The following HS3ST3A1 variants were observed in gnomAD, a reference collection of about 807,000 sequenced individuals.
HS3ST3A1 encodes heparan sulfate-glucosamine 3-sulfotransferase 3A1, also known as heparan sulfate glucosamine 3-O-sulfotransferase 3A1.
HS3ST3A1 carries 19 observed loss-of-function variants against 25.7 expected under a neutral mutation model. That is an observed-to-expected ratio of 0.74 (90% CI 0.52 to 1.08). The LOEUF (loss-of-function observed/expected upper bound fraction) is 1.08. Among genes scored for constraint, HS3ST3A1 ranks in the 50% least tolerant of loss-of-function variants. The pLI is 0.00. For synonymous variants in HS3ST3A1, 226 were observed against 278.6 expected, an observed-to-expected ratio of 0.81 and a Z score of 1.88; for missense variants, 459 against 594.3, an observed-to-expected ratio of 0.77 and a Z score of 2.37.
chr17:13,518,356 T>C (rs543077715), intron 1 of HS3ST3A1, among the ~76,000 whole-genome samples: 2 of 152,324 alleles, frequency 1.3e-5, no homozygotes, highest in South Asian at 4.1e-4. Flanking sequence ...CTGTTTCCAA[T>C]GGCTTAGAAA....
intron 1 of HS3ST3A1, among the ~76,000 whole-genome samples, chr17:13,528,486 C>A (rs1200296019): frequency 6.6e-6 from 1 of 152,192 alleles, no homozygotes; most frequent in African/African-American, 2.4e-5. Flanking sequence ...CCCAGTGACT[C>A]CTGTGCTGAG....
At chr17:13,585,361 G>A (rs55826561) in intron 1 of HS3ST3A1, among the ~76,000 whole-genome samples, 14,742 of 151,090 alleles carry the variant, frequency 0.098, 751 homozygotes, top group African/African-American at 0.12. Flanking sequence ...CACCACGCCC[G>A]GCTAATTTTT....
At chr17:13,570,559 A>G (rs1380049882) in intron 1 of HS3ST3A1, among the ~76,000 whole-genome samples, 2 of 152,156 alleles carry the variant, frequency 1.3e-5, no homozygotes, top group Non-Finnish European at 2.9e-5. Flanking sequence ...AGCTCAGTGT[A>G]GCCTCAACCT....
At chr17:13,579,729 T>C (rs12950206) in intron 1 of HS3ST3A1, among the ~76,000 whole-genome samples, 2 of 70,180 alleles carry the variant, frequency 2.8e-5, no homozygotes, top group Non-Finnish European at 5.5e-5. Context: ...AAAAAAAAAA[T>C]CATAAGAAAT....
intron 1 of HS3ST3A1, among the ~76,000 whole-genome samples, chr17:13,504,583 T>C (rs898040234): frequency 2.0e-5 from 3 of 152,102 alleles, no homozygotes; most frequent in African/African-American, 7.2e-5. Flanking sequence ...TTTGTGAAAA[T>C]TTCTTGAGCT....
intron 1 of HS3ST3A1, among the ~76,000 whole-genome samples, chr17:13,500,047 A>G (rs904080820): frequency 6.6e-6 from 1 of 151,230 alleles, no homozygotes; most frequent in African/African-American, 2.4e-5. Flanking sequence ...CAAAAAAGTC[A>G]ATAAAAGGGA....
At chr17:13,508,963 AT>A (rs111659579) in intron 1 of HS3ST3A1, among the ~76,000 whole-genome samples, 14,355 of 143,138 alleles carry the variant, frequency 0.1, 908 homozygotes, top group African/African-American at 0.19. Context: ...CATCTCTTTA[AT>A]TTTTTTTTTT....
At chr17:13,555,113 G>A (rs991008669) in intron 1 of HS3ST3A1, among the ~76,000 whole-genome samples, 5 of 152,014 alleles carry the variant, frequency 3.3e-5, no homozygotes, top group South Asian at 4.1e-4. Flanking sequence ...ACTCCCCAGC[G>A]GTGACCCCCA....
intron 1 of HS3ST3A1, among the ~76,000 whole-genome samples, chr17:13,581,006 G>C (rs1312872241): frequency 6.6e-6 from 1 of 152,106 alleles, no homozygotes; most frequent in African/African-American, 2.4e-5. Flanking sequence ...TGCAACTTTC[G>C]CTTTTCTGTA....
intron 1 of HS3ST3A1, among the ~76,000 whole-genome samples, chr17:13,529,899 A>G (rs118110593): frequency 0.012 from 1,817 of 152,142 alleles, 18 homozygotes; most frequent in Non-Finnish European, 0.019. Flanking sequence ...GTCATCATGA[A>G]TTGTATTATA....
In HS3ST3A1 at chr17:13,494,446, A is replaced by G. The variant is rs945778246; in HGVS notation, c.*1751T>C. Among the ~76,000 whole-genome samples the G allele has an allele frequency of 6.6e-6, 1 of 152,196 alleles. No homozygotes were observed. The highest frequency in any genetic ancestry group is 1.5e-5 in the Non-Finnish European group (1 of 68,020). ...TCCTGTGTTAAGCTTCTCAAGAAAT[A>G]TTTACATCACCTAATGCAGCAGCTA... is the stretch of plus-strand genomic sequence containing the variant. On this transcript the variant is annotated 3_prime_UTR_variant, in exon 2 of 2. Transcript: ENST00000284110.
intron 1 of HS3ST3A1, among the ~76,000 whole-genome samples, chr17:13,550,707 A>AAAC (rs150129442): frequency 0.28 from 42,146 of 151,200 alleles, 6,030 homozygotes; most frequent in Non-Finnish European, 0.32. Context: ...GCAAACACCA[A>AAAC]AACAACAACA....
intron 1 of HS3ST3A1, among the ~76,000 whole-genome samples, chr17:13,580,647 C>G (rs1191092493): frequency 6.6e-6 from 1 of 152,148 alleles, no homozygotes; most frequent in African/African-American, 2.4e-5. Flanking sequence ...TATACTAACA[C>G]TTTGGGAGGC....
intron 1 of HS3ST3A1, among the ~76,000 whole-genome samples, chr17:13,538,932 T>C (rs1314022736): frequency 1.3e-5 from 2 of 152,198 alleles, no homozygotes; most frequent in Non-Finnish European, 2.9e-5. Context: ...TATTTGCTCA[T>C]AATTCTGAAA....
chr17:13,553,823 G>A (rs750237748), intron 1 of HS3ST3A1, among the ~76,000 whole-genome samples: 1 of 151,944 alleles, frequency 6.6e-6, no homozygotes, highest in Non-Finnish European at 1.5e-5. Flanking sequence ...CCCCTCTCAG[G>A]TACTTCCTTT....
At chr17:13,511,850 T>G (rs1905870938) in intron 1 of HS3ST3A1, among the ~76,000 whole-genome samples, 1 of 151,942 alleles carries the variant, frequency 6.6e-6, no homozygotes, top group Non-Finnish European at 1.5e-5. Flanking sequence ...AATCTATATT[T>G]TGTCTTTGAA....
Position 13,496,186 on chromosome 17 carries a change from A to C in HS3ST3A1, c.*11T>G. On this transcript the variant is annotated 3_prime_UTR_variant, in exon 2 of 2. Coordinates refer to ENST00000284110, the MANE Select transcript of HS3ST3A1 (RefSeq NM_006042.3). ...ATATTTTGATTTTTTTTTTCTTTTT[A>C]AATTATATGGTTATCCATCCCAGCC... 1 of 1,534,260 alleles carries C rather than the reference A, an allele frequency of 6.5e-7. No homozygotes were observed. Among genetic ancestry groups the C allele is most frequent in the Non-Finnish European group, 8.7e-7 (1 of 1,145,050 alleles).
chr17:13,506,549 C>T (rs1281182997), intron 1 of HS3ST3A1, among the ~76,000 whole-genome samples: 1 of 152,176 alleles, frequency 6.6e-6, no homozygotes, highest in Admixed American at 6.5e-5. Flanking sequence ...TCAATGAGAT[C>T]TGAAAGAATG....
intron 1 of HS3ST3A1, among the ~76,000 whole-genome samples, chr17:13,584,622 C>T (rs532792430): frequency 4.2e-5 from 6 of 143,988 alleles, no homozygotes; most frequent in Non-Finnish European, 7.5e-5. Flanking sequence ...GGCTAAAACT[C>T]TCTGATTAAA....
Sources: allele counts gnomAD v4.1 joint callset (sites outside exome capture counted in the v4.1 genomes callset), GRCh38; gene constraint gnomAD v4.1.1; transcripts MANE v1.5; gene names NCBI Gene and HGNC (gene_info 2026-07-23, HGNC 2026-07-21).